CDH23: variants seen among roughly 807,000 people sequenced by gnomAD.
CDH23 encodes the protein cadherin related 23.
CDH23 carries 189 observed loss-of-function variants against 317.1 expected under a neutral mutation model. The observed-to-expected ratio is 0.60, with a 90% CI of 0.53 to 0.67. CDH23 has a LOEUF of 0.67. CDH23 is among the 30% of genes least tolerant of loss of function. CDH23 has a pLI of 0.00. For synonymous variants in CDH23, 1,839 were observed against 1,876.8 expected (o/e 0.98, Z 0.52); for missense variants, 4,401 against 4,592.4 (o/e 0.96, Z 1.20).
At chr10:71,661,980 C>A (rs1277188064) in intron 14 of CDH23, among the ~76,000 whole-genome samples, 1 of 150,308 alleles carries the variant, frequency 6.7e-6, no homozygotes, top group Non-Finnish European at 1.5e-5. Flanking sequence ...CATCCCTGCA[C>A]CATCACGGTG....
intron 1 of CDH23, among the ~76,000 whole-genome samples, chr10:71,399,808 G>T (rs539144745): frequency 1.1e-4 from 17 of 152,160 alleles, no homozygotes; most frequent in South Asian, 2.1e-4. Flanking sequence ...CTGCACATGG[G>T]CCAGAAAGAG....
At chr10:71,625,805 G>A (rs893536952) in intron 11 of CDH23, among the ~76,000 whole-genome samples, 1 of 152,122 alleles carries the variant, frequency 6.6e-6, no homozygotes, top group Non-Finnish European at 1.5e-5. Context: ...GGGAAGGGGG[G>A]CCACGGACCA....
intron 3 of CDH23, among the ~76,000 whole-genome samples, chr10:71,493,253 C>T (rs1195440592): frequency 6.6e-6 from 1 of 152,084 alleles, no homozygotes; most frequent in Admixed American, 6.5e-5. Context: ...TCAAACTGCC[C>T]CTGACCTGCC....
At chr10:71,620,381 C>T (rs1417936600) in intron 11 of CDH23, among the ~76,000 whole-genome samples, 2 of 152,160 alleles carry the variant, frequency 1.3e-5, no homozygotes, top group Non-Finnish European at 2.9e-5. Context: ...CTGACCAGGC[C>T]TGAGTCCAGC....
At chr10:71,403,138 A>G (rs1050417549) in intron 1 of CDH23, among the ~76,000 whole-genome samples, 4 of 152,006 alleles carry the variant, frequency 2.6e-5, no homozygotes, top group South Asian at 2.1e-4. Flanking sequence ...ACCAAAAAAC[A>G]AAAAACAACA....
At chr10:71,568,553 T>C (rs185133632) in intron 7 of CDH23, among the ~76,000 whole-genome samples, 1 of 152,262 alleles carries the variant, frequency 6.6e-6, no homozygotes, top group East Asian at 1.9e-4. Flanking sequence ...CTCCCAGTAA[T>C]CAGGCTTGGA....
chr10:71,778,880 C>T (rs886654394), intron 40 of CDH23, among the ~76,000 whole-genome samples: 2 of 152,152 alleles, frequency 1.3e-5, no homozygotes, highest in East Asian at 3.9e-4. Context: ...ACCTCAGCCT[C>T]CCAAGTAGCT....
intron 1 of CDH23, among the ~76,000 whole-genome samples, chr10:71,434,997 G>A (rs1037089859): frequency 6.6e-6 from 1 of 152,188 alleles, no homozygotes; most frequent in East Asian, 1.9e-4. Context: ...CACTGGGCTC[G>A]CTGAGTAGAT....
At chr10:71,713,423 G>A (rs1232373270) in intron 28 of CDH23, 14 of 614,638 alleles carry the variant, frequency 2.3e-5, no homozygotes, top group South Asian at 1.7e-4. Flanking sequence ...TGGGGTTTCC[G>A]ACTCGGAGGC....
chr10:71,624,903 G>A (rs1861640738), intron 11 of CDH23, among the ~76,000 whole-genome samples: 1 of 152,060 alleles, frequency 6.6e-6, no homozygotes, highest in Non-Finnish European at 1.5e-5. Flanking sequence ...GTGTTGCAGG[G>A]CTCCCCATTT....
At chr10:71,595,456 G>A (rs915202836) in intron 9 of CDH23, among the ~76,000 whole-genome samples, 5 of 152,126 alleles carry the variant, frequency 3.3e-5, no homozygotes, top group African/African-American at 4.8e-5. Flanking sequence ...TTTCCAATGC[G>A]GAGGTTCATG....
intron 8 of CDH23, among the ~76,000 whole-genome samples, chr10:71,572,843 G>A (rs1333360089): frequency 6.6e-6 from 1 of 152,160 alleles, no homozygotes. Context: ...AGTAATCAAG[G>A]TACCTGAGTC....
intron 11 of CDH23, among the ~76,000 whole-genome samples, chr10:71,622,617 G>A (rs931439984): frequency 1.3e-5 from 2 of 152,096 alleles, no homozygotes; most frequent in East Asian, 1.9e-4. Flanking sequence ...CATTATGCAC[G>A]ACCCCTCCCC....
chr10:71,404,659 T>C (rs1848014081), intron 1 of CDH23, among the ~76,000 whole-genome samples: 1 of 151,736 alleles, frequency 6.6e-6, no homozygotes, highest in South Asian at 2.1e-4. Flanking sequence ...GCACAAGGAG[T>C]GTTGAGGAGG....
intron 14 of CDH23, among the ~76,000 whole-genome samples, chr10:71,662,168 C>T (rs1867980): frequency 0.04 from 6,091 of 151,914 alleles, 275 homozygotes; most frequent in East Asian, 0.15. Context: ...AGATGTCAGG[C>T]GAGCAATCGT....
chr10:71,811,081 C>CAAAAAAA (rs35466313), intron 62 of CDH23, among the ~76,000 whole-genome samples: 1 of 67,052 alleles, frequency 1.5e-5, no homozygotes, highest in African/African-American at 6.0e-5. Flanking sequence ...GACTCCATCT[C>CAAAAAAA]AAAAAAAAAA....
chr10:71,544,997 C>T (rs1199071008), intron 6 of CDH23, among the ~76,000 whole-genome samples: 1 of 152,122 alleles, frequency 6.6e-6, no homozygotes, highest in African/African-American at 2.4e-5. Context: ...GAGTCAGTCC[C>T]CGACCCCAAC....
intron 1 of CDH23, among the ~76,000 whole-genome samples, chr10:71,429,713 A>G (rs1192653475): frequency 6.6e-6 from 1 of 152,192 alleles, no homozygotes; most frequent in African/African-American, 2.4e-5. Flanking sequence ...ATAGAGATGA[A>G]TGTGCTGAGA....
At chr10:71,459,342 C>T (rs1483345546) in intron 3 of CDH23, among the ~76,000 whole-genome samples, 1 of 152,114 alleles carries the variant, frequency 6.6e-6, no homozygotes, top group African/African-American at 2.4e-5. Flanking sequence ...AGTCCTCCCA[C>T]TTTGGCCTCC....
Sources: gnomAD v4.1 joint callset for allele counts (sites outside exome capture counted in the v4.1 genomes callset) on GRCh38, gnomAD v4.1.1 for gene constraint, MANE v1.5 for transcripts, NCBI Gene and HGNC (gene_info 2026-07-23, HGNC 2026-07-21) for gene names.